MMP17: variants seen among roughly 807,000 people sequenced by gnomAD.
The protein encoded by MMP17 is matrix metalloproteinase-17.
Under a neutral mutation model 49.1 loss-of-function variants are expected in MMP17, and 54 were observed. The observed-to-expected ratio is 1.10, with a 90% CI of 0.88 to 1.38. The LOEUF (loss-of-function observed/expected upper bound fraction) is 1.38. MMP17 is among the 40% of genes most tolerant of loss of function. The pLI, the probability that MMP17 is intolerant of heterozygous loss-of-function variation, is 0.00. For synonymous variants in MMP17, 397 were observed against 383.1 expected (o/e 1.04, Z -0.42); for missense variants, 837 against 853.7 (o/e 0.98, Z 0.24).
intron 1 of MMP17, among the ~76,000 whole-genome samples, chr12:131,836,547 A>T (rs1011217357): frequency 5.3e-5 from 8 of 150,900 alleles, no homozygotes; most frequent in Non-Finnish European, 1.0e-4. Context: ...AGGTTAAGCC[A>T]CATGAAACTA....
At chr12:131,830,991 G>A (rs996792835) in intron 1 of MMP17, among the ~76,000 whole-genome samples, 1 of 152,182 alleles carries the variant, frequency 6.6e-6, no homozygotes, top group African/African-American at 2.4e-5. Flanking sequence ...CCTCCCTCCC[G>A]CCCCTGGTTC....
rs972482426 is a variant in MMP17 at position 131,838,202 on chromosome 12, T to C, written c.167T>C (p.Leu56Pro). The change falls in exon 2 of 10, where the codon CTA becomes CCA. Residue 56 changes from leucine (L) to proline (P), a missense_variant. Transcript: ENST00000360564. ...CCTGCTCTCTGCCCTCAGGAGTGGC[T>C]AAGCAGGTTCGGTTACCTGCCCCCG... ...AEDLSLGVEW[L>P]SRFGYLPPAD... 1.2e-6 allele frequency: 2 copies of C among 1,612,670 alleles called. No homozygotes were observed. Among genetic ancestry groups the C allele is most frequent in the Non-Finnish European group, 1.7e-6 (2 of 1,179,656 alleles).
rs749028322 is a variant in MMP17, at chr12:131,838,719, A to G, written c.400A>G (p.Asn134Asp). 1 of 1,590,944 alleles carries G rather than the reference A, an allele frequency of 6.3e-7. No homozygotes were observed. The highest frequency in any genetic ancestry group is 1.8e-5 in the Admixed American group (1 of 56,664). The change falls in exon 3 of 10, where the codon AAC becomes GAC. Residue 134 changes from asparagine (N) to aspartate (D), a missense_variant. By Grantham distance (23) the Asn-to-Asp change is conservative. Transcript: ENST00000360564. ...CCAGGCTCCAGCCCCCACCAAGTGG[A>G]ACAAGAGGAACCTGTCGTGGAGGTG... ...RRQAPAPTKW[N>D]KRNLSWRVRT...
chr12:131,838,859 G>A (rs933333387), intron 3 of MMP17, 118 bp downstream of exon 3: 13 of 1,245,208 alleles, frequency 1.0e-5, no homozygotes, highest in Middle Eastern at 2.8e-4. Flanking sequence ...CGGGGTCTCC[G>A]TGGAGGCGGG....
intron 1 of MMP17, among the ~76,000 whole-genome samples, chr12:131,837,603 C>G (rs915340162): frequency 6.6e-6 from 1 of 152,214 alleles, no homozygotes; most frequent in African/African-American, 2.4e-5. Context: ...TTGAAGGTTC[C>G]CTAGCATTTT....
At chr12:131,849,499 A>C (rs529092017) in intron 8 of MMP17, among the ~76,000 whole-genome samples, 27 of 152,254 alleles carry the variant, frequency 1.8e-4, no homozygotes, top group East Asian at 1.9e-4. Context: ...TAATGATCAT[A>C]ATAATAATAG....
chr12:131,830,950 G>A (rs974596770), intron 1 of MMP17, among the ~76,000 whole-genome samples: 2 of 152,236 alleles, frequency 1.3e-5, no homozygotes, highest in Non-Finnish European at 2.9e-5. Context: ...ACGACATACA[G>A]CGAGCAGCCC....
intron 1 of MMP17, among the ~76,000 whole-genome samples, chr12:131,831,506 T>A (rs1886792158): frequency 6.6e-6 from 1 of 151,662 alleles, no homozygotes. Context: ...GGCCAGGGTG[T>A]CCCCTCTCAC....
In MMP17 at chr12:131,846,139, A is replaced by G. The variant is rs1887693034; in HGVS notation, c.1204+690A>G. Among the ~76,000 whole-genome samples, 1 of 152,122 alleles carries G rather than the reference A, an allele frequency of 6.6e-6. No individual in the cohort carries two copies. The highest frequency in any genetic ancestry group is 2.1e-4 in the South Asian group (1 of 4,820). The stretch of plus-strand genomic sequence containing the variant: ...ACAGAGACCCCCATGCTGGGCTGAA[A>G]CACCCGGAGTTTCCCTCACAGTCTG... On this transcript the variant is annotated intron_variant, in intron 8 of 9. Transcript: ENST00000360564. This position sits in a 1 kb window ranked among gnomAD's most constrained non-coding sequence, Gnocchi z 4.6.
At chr12:131,848,792 C>G (rs868374427) in intron 8 of MMP17, among the ~76,000 whole-genome samples, 1 of 152,198 alleles carries the variant, frequency 6.6e-6, no homozygotes, top group Admixed American at 6.5e-5. Context: ...TTCCATGGCA[C>G]GGACGGACTG....
intron 1 of MMP17, among the ~76,000 whole-genome samples, chr12:131,829,216 C>CCCCTT (rs1373003433): frequency 6.6e-6 from 1 of 152,232 alleles, no homozygotes; most frequent in Non-Finnish European, 1.5e-5. Context: ...CCCTCAGCCT[C>CCCCTT]CTTCCCCTCC....
intron 4 of MMP17, 32 bp from the exon 5 acceptor site, chr12:131,841,592 C>G (rs980252213): frequency 1.2e-6 from 2 of 1,612,706 alleles, no homozygotes; most frequent in African/African-American, 2.7e-5. Flanking sequence ...GCCCTTCTTG[C>G]CCTTAGTTCA....
intron 1 of MMP17, 37 bp from the exon 2 acceptor site, chr12:131,838,158 C>T: frequency 3.2e-6 from 5 of 1,575,434 alleles, no homozygotes; most frequent in Non-Finnish European, 4.3e-6. Flanking sequence ...GGACCGGGCC[C>T]TCTGTTGCAC....
Position 131,845,439 on chromosome 12 carries a change from C to T in MMP17, c.1194C>T (p.Val398=). The change falls in exon 8 of 10, where the codon GTC becomes GTT. Residue 398 remains valine (V), a synonymous_variant. Transcript: ENST00000360564. The stretch of plus-strand genomic sequence containing the variant: ...AGCGCACCAGCGACCACAAGATCGT[C>T]TTCTTTAAAGGTGGGTGGGCCTCCC... ...VYERTSDHKI[V]FFKGDRYWVF... is the part of the protein sequence containing the mutation. 6.4e-7 allele frequency: 1 copy of T among 1,569,794 alleles called. No homozygotes were observed. Among genetic ancestry groups the T allele is most frequent in the Non-Finnish European group, 8.6e-7 (1 of 1,160,296 alleles).
At chr12:131,843,017 A>T (rs1887499133) in intron 5 of MMP17, among the ~76,000 whole-genome samples, 1 of 151,364 alleles carries the variant, frequency 6.6e-6, no homozygotes, top group African/African-American at 2.4e-5. Flanking sequence ...TTTTTTTGAG[A>T]TGGAGTCTCA....
chr12:131,830,090 G>A (rs1886714424), intron 1 of MMP17, among the ~76,000 whole-genome samples: 1 of 152,256 alleles, frequency 6.6e-6, no homozygotes, highest in Non-Finnish European at 1.5e-5. Context: ...GGGTGCCGCA[G>A]AAGGGGCCGG....
At chr12:131,848,227 A>G (rs1344315550) in intron 8 of MMP17, among the ~76,000 whole-genome samples, 1 of 152,016 alleles carries the variant, frequency 6.6e-6, no homozygotes, top group Non-Finnish European at 1.5e-5. Context: ...CTGAGACTAC[A>G]GGCGCTCACC....
At position 131,845,180 on chromosome 12, in the gene MMP17, G is replaced by A. The variant is rs1421626473; in HGVS notation, c.1031G>A (p.Gly344Asp). 1 of 1,614,090 alleles carries A rather than the reference G, an allele frequency of 6.2e-7. No individual in the cohort carries two copies. The highest frequency in any genetic ancestry group is 1.7e-5 in the Admixed American group (1 of 60,030). The stretch of plus-strand genomic sequence containing the variant: ...TTTGACGCGGTGGCCCAGATCCGGG[G>A]TGAAGCTTTCTTCTTCAAAGGTACC... The part of the protein sequence containing the change: ...THFDAVAQIR[G>D]EAFFFKGKYF... Residue 344 changes from glycine to aspartate, a missense_variant, in exon 7 of 10, where the codon GGT becomes GAT. Coordinates refer to ENST00000360564, the MANE Select transcript of MMP17 (RefSeq NM_016155.7).
intron 1 of MMP17, among the ~76,000 whole-genome samples, chr12:131,836,193 G>A (rs1004031252): frequency 1.3e-5 from 2 of 152,132 alleles, no homozygotes; most frequent in Non-Finnish European, 2.9e-5. Flanking sequence ...AGGGGGTAAA[G>A]GCACAGAGGG....
Sources: gnomAD v4.1 joint callset for allele counts (sites outside exome capture counted in the v4.1 genomes callset) on GRCh38, gnomAD v4.1.1 for gene constraint, Gnocchi (gnomAD v3.1) non-coding constraint, MANE v1.5 for transcripts, NCBI Gene and HGNC (gene_info 2026-07-23, HGNC 2026-07-21) for gene names.